The following SPRED2 variants were observed in gnomAD, a reference collection of about 807,000 sequenced individuals.
SPRED2 encodes the protein sprouty related EVH1 domain containing 2.
Under a neutral mutation model 43.0 loss-of-function variants are expected in SPRED2, and 47 were observed. That is an observed-to-expected ratio of 1.09 (90% CI 0.87 to 1.40). The LOEUF is 1.40. Ranked by LOEUF, SPRED2 falls within the 40% of genes most tolerant of loss-of-function variation. The pLI, the probability that SPRED2 is intolerant of heterozygous loss-of-function variation, is 0.00. For synonymous variants in SPRED2, 225 were observed against 225.7 expected (o/e 1.00, Z 0.03); for missense variants, 561 against 586.4 (o/e 0.96, Z 0.45).
intron 1 of SPRED2, among the ~76,000 whole-genome samples, chr2:65,388,478 A>G (rs937775197): frequency 6.6e-6 from 1 of 152,176 alleles, no homozygotes; most frequent in Non-Finnish European, 1.5e-5. Flanking sequence ...GCCAAGGCCC[A>G]TGGGCTTACG....
intron 5 of SPRED2, among the ~76,000 whole-genome samples, chr2:65,314,869 T>A (rs1165832416): frequency 6.6e-6 from 1 of 152,120 alleles, no homozygotes; most frequent in African/African-American, 2.4e-5. Context: ...TGTCATCTGG[T>A]GAGATGCGGA....
intron 1 of SPRED2, among the ~76,000 whole-genome samples, chr2:65,400,362 G>A (rs1029461822): frequency 6.6e-6 from 1 of 152,122 alleles, no homozygotes; most frequent in Non-Finnish European, 1.5e-5. Flanking sequence ...TTTTCTATGT[G>A]TGAATTATTG....
intron 1 of SPRED2, among the ~76,000 whole-genome samples, chr2:65,421,472 G>C (rs1676420597): frequency 6.6e-6 from 1 of 152,174 alleles, no homozygotes; most frequent in African/African-American, 2.4e-5. Flanking sequence ...CATTTTACCA[G>C]ATTTCCCCAG....
In SPRED2 at chr2:65,344,714, A is replaced by G. The variant is rs1674291451; in HGVS notation, c.204+5T>C. On this transcript the variant is annotated splice_donor_5th_base_variant and intron_variant, in intron 2 of 5. Transcript: ENST00000356388. ...TTAACCCACGAGTTGTATGTCTGCC[A>G]TTACCAGTTTGTCTTTCTGTCGTTC... 1 of 1,613,796 alleles carries G rather than the reference A, an allele frequency of 6.2e-7. No homozygotes were observed. Among genetic ancestry groups the G allele is most frequent in the Middle Eastern group, 1.7e-4 (1 of 6,060 alleles).
intron 1 of SPRED2, among the ~76,000 whole-genome samples, chr2:65,360,484 C>T (rs538920547): frequency 3.3e-5 from 5 of 152,328 alleles, no homozygotes; most frequent in African/African-American, 1.2e-4. Context: ...GGAATTATTC[C>T]GCCTTAACAA....
chr2:65,396,710 G>C (rs1240593526), intron 1 of SPRED2, among the ~76,000 whole-genome samples: 2 of 152,216 alleles, frequency 1.3e-5, no homozygotes, highest in African/African-American at 4.8e-5. Context: ...ACAAAGTGAA[G>C]TGAAGCCAGC....
At chr2:65,370,275 A>G (rs1472601749) in intron 1 of SPRED2, among the ~76,000 whole-genome samples, 2 of 152,242 alleles carry the variant, frequency 1.3e-5, no homozygotes, top group African/African-American at 4.8e-5. Flanking sequence ...CGCAACAAGT[A>G]CTTAGCATAG....
At chr2:65,320,506 T>C (rs1042396940) in intron 4 of SPRED2, among the ~76,000 whole-genome samples, 1 of 152,174 alleles carries the variant, frequency 6.6e-6, no homozygotes, top group African/African-American at 2.4e-5. Context: ...TGTCAGAGGA[T>C]GTGAGACTGA....
chr2:65,315,719 C>T (rs534933711), intron 5 of SPRED2, among the ~76,000 whole-genome samples: 1 of 152,202 alleles, frequency 6.6e-6, no homozygotes, highest in African/African-American at 2.4e-5. Context: ...GACGCAATGG[C>T]GCAATCTTGG....
At chr2:65,379,419 AG>A (rs1314034496) in intron 1 of SPRED2, among the ~76,000 whole-genome samples, 1 of 152,148 alleles carries the variant, frequency 6.6e-6, no homozygotes, top group Non-Finnish European at 1.5e-5. Context: ...TAGGAGGGCA[AG>A]CCTCTCCTCA....
At chr2:65,322,240 C>A (rs1473562533) in intron 4 of SPRED2, among the ~76,000 whole-genome samples, 667 of 56,292 alleles carry the variant, frequency 0.012, 18 homozygotes, top group African/African-American at 0.056. Context: ...CTCTCTCTCT[C>A]TCTCTCTCTC....
chr2:65,364,525 G>A (rs896991184), intron 1 of SPRED2, among the ~76,000 whole-genome samples: 7 of 152,206 alleles, frequency 4.6e-5, no homozygotes, highest in Admixed American at 4.6e-4. Flanking sequence ...GGGCCTCTGA[G>A]GCGTGGCAGC....
chr2:65,325,738 G>A lies in SPRED2; in HGVS notation c.438+6249C>T, dbSNP rs187141587. Among the ~76,000 whole-genome samples, 358 of 152,230 alleles carry A rather than the reference G, an allele frequency of 2.4e-3. 1 individual carries two copies. Among genetic ancestry groups the A allele is most frequent in the Non-Finnish European group, 4.4e-3 (296 of 68,012 alleles). ...TATGGATCACCTGAGGTCAGGAGTT[G>A]GAGACCAGCCTGGTCAACATGGTGA... On this transcript the variant is annotated intron_variant, in intron 4 of 5. Transcript: ENST00000356388.
chr2:65,426,336 T>A (rs1399420072), intron 1 of SPRED2, among the ~76,000 whole-genome samples: 1 of 152,184 alleles, frequency 6.6e-6, no homozygotes, highest in South Asian at 2.1e-4. Flanking sequence ...ACAACAATTG[T>A]AATTATTGCA....
chr2:65,346,218 C>G (rs1331050456), intron 1 of SPRED2, among the ~76,000 whole-genome samples: 1 of 152,086 alleles, frequency 6.6e-6, no homozygotes. Context: ...TTTTCTATGA[C>G]CCCCTATGGC....
intron 1 of SPRED2, among the ~76,000 whole-genome samples, chr2:65,408,371 T>C (rs1296660346): frequency 6.6e-6 from 1 of 151,952 alleles, no homozygotes; most frequent in Non-Finnish European, 1.5e-5. Flanking sequence ...TAAGGTAGAG[T>C]CAGAATTCAA....
At chr2:65,348,937 TA>T (rs1203380967) in intron 1 of SPRED2, among the ~76,000 whole-genome samples, 4 of 152,178 alleles carry the variant, frequency 2.6e-5, no homozygotes, top group Non-Finnish European at 5.9e-5. Context: ...GAAGTACATA[TA>T]AAAGTCATAG....
At chr2:65,358,113 G>C (rs928758974) in intron 1 of SPRED2, among the ~76,000 whole-genome samples, 1 of 152,176 alleles carries the variant, frequency 6.6e-6, no homozygotes, top group Non-Finnish European at 1.5e-5. Context: ...ACTTTGAGTA[G>C]AGAAAAAACT....
chr2:65,368,454 A>C (rs1394766740), intron 1 of SPRED2, among the ~76,000 whole-genome samples: 1 of 152,252 alleles, frequency 6.6e-6, no homozygotes, highest in Non-Finnish European at 1.5e-5. Flanking sequence ...TTAATGCAGC[A>C]GGTAGAAATG....
Sources: allele counts gnomAD v4.1 joint callset (sites outside exome capture counted in the v4.1 genomes callset), GRCh38; gene constraint gnomAD v4.1.1; transcripts MANE v1.5; gene names NCBI Gene and HGNC (gene_info 2026-07-23, HGNC 2026-07-21).